The following FGD4 variants were observed in gnomAD, a reference collection of about 807,000 sequenced individuals.
FGD4 encodes the protein FYVE, RhoGEF and PH domain containing 4.
FGD4 carries 42 observed loss-of-function variants against 102.0 expected under a neutral mutation model. The observed-to-expected ratio is 0.41, with a 90% CI of 0.32 to 0.53. FGD4 has a LOEUF of 0.53. FGD4 is among the 20% of genes least tolerant of loss of function. FGD4 has a pLI of 0.21. For missense variants in FGD4, 902 were observed against 1,078.2 expected (o/e 0.84, Z 2.29); for synonymous variants, 380 against 375.7 (o/e 1.01, Z -0.13).
intron 15 of FGD4, chr12:32,637,599 G>GAATGAATGAATAAATAAATA (rs140822380): frequency 2.3e-4 from 34 of 147,188 alleles, no homozygotes; most frequent in African/African-American, 8.7e-4. Context: ...CCATCTCTAT[G>GAATGAATGAATAAATAAATA]AATAAATAAA....
chr12:32,571,652 AG>A (rs930773410), intron 2 of FGD4, among the ~76,000 whole-genome samples: 2 of 152,144 alleles, frequency 1.3e-5, no homozygotes, highest in Non-Finnish European at 2.9e-5. Flanking sequence ...TTTTTGAGGC[AG>A]GGTAGGAGGG....
chr12:32,631,279 G>A (rs1950484738), intron 14 of FGD4, among the ~76,000 whole-genome samples: 1 of 152,088 alleles, frequency 6.6e-6, no homozygotes, highest in African/African-American at 2.4e-5. Flanking sequence ...GTTTTTGGAG[G>A]GCCTTGTAAA....
chr12:32,499,475 G>C (rs1028009508), intron 1 of FGD4, among the ~76,000 whole-genome samples: 1 of 152,050 alleles, frequency 6.6e-6, no homozygotes, highest in Non-Finnish European at 1.5e-5. Flanking sequence ...TTTTCCCATG[G>C]AGTCAATTCT....
intron 14 of FGD4, among the ~76,000 whole-genome samples, chr12:32,629,843 A>G (rs951222256): frequency 1.3e-5 from 2 of 152,146 alleles, no homozygotes; most frequent in Non-Finnish European, 2.9e-5. Flanking sequence ...TCAAATTTGT[A>G]TCTAATAATG....
intron 4 of FGD4, among the ~76,000 whole-genome samples, chr12:32,585,196 CAG>C (rs1228547462): frequency 7.0e-6 from 1 of 142,304 alleles, no homozygotes; most frequent in Non-Finnish European, 1.5e-5. Context: ...GGCTAGGTGA[CAG>C]AGTGAGACCC....
chr12:32,419,099 C>T (rs75019587), intron 1 of FGD4, among the ~76,000 whole-genome samples: 2,410 of 152,248 alleles, frequency 0.016, 26 homozygotes, highest in Middle Eastern at 0.027. Context: ...TGGGACTCAC[C>T]TTTTGGCTCA....
chr12:32,468,105 C>T (rs1251026794), intron 1 of FGD4, among the ~76,000 whole-genome samples: 1 of 151,918 alleles, frequency 6.6e-6, no homozygotes, highest in Non-Finnish European at 1.5e-5. Context: ...TGCAGTAGCA[C>T]CCTCTTGGCT....
chr12:32,459,251 C>T (rs999391316), intron 1 of FGD4, among the ~76,000 whole-genome samples: 5 of 139,278 alleles, frequency 3.6e-5, no homozygotes, highest in East Asian at 2.3e-4. Context: ...TGGAATCCAT[C>T]GATACACTCT....
intron 12 of FGD4, 139 bp from the exon 13 acceptor site, chr12:32,624,837 T>A: frequency 1.4e-6 from 1 of 740,552 alleles, no homozygotes; most frequent in Non-Finnish European, 2.4e-6. Flanking sequence ...TTGTTGTGTG[T>A]GTTTTAATAT....
intron 1 of FGD4, among the ~76,000 whole-genome samples, chr12:32,478,285 CAG>C (rs879344212): frequency 1.3e-5 from 2 of 152,094 alleles, no homozygotes; most frequent in African/African-American, 2.4e-5. Flanking sequence ...TTTAATGAGA[CAG>C]AGTCTCACTC....
At chr12:32,550,956 A>G (rs971771352) in intron 1 of FGD4, among the ~76,000 whole-genome samples, 13 of 152,350 alleles carry the variant, frequency 8.5e-5, no homozygotes, top group African/African-American at 3.1e-4. Context: ...TTTTATCATT[A>G]CTAATCCTGT....
At chr12:32,483,436 A>T (rs151221328) in intron 1 of FGD4, among the ~76,000 whole-genome samples, 3 of 152,344 alleles carry the variant, frequency 2.0e-5, no homozygotes, top group African/African-American at 7.2e-5. Flanking sequence ...GATTGTAAAG[A>T]TACATAAAAA....
At chr12:32,550,670 CAAAAA>C (rs71447606) in intron 1 of FGD4, among the ~76,000 whole-genome samples, 2 of 89,238 alleles carry the variant, frequency 2.2e-5, no homozygotes, top group Non-Finnish European at 2.2e-5. Flanking sequence ...GACACTGTCT[CAAAAA>C]AAAAAAAAAA....
intron 1 of FGD4, among the ~76,000 whole-genome samples, chr12:32,492,806 A>T (rs1944155153): frequency 6.6e-6 from 1 of 152,120 alleles, no homozygotes; most frequent in South Asian, 2.1e-4. Context: ...ATAAAACCTT[A>T]ATTCCTAGTT....
intron 1 of FGD4, among the ~76,000 whole-genome samples, chr12:32,408,985 G>A (rs937947003): frequency 6.6e-6 from 1 of 152,036 alleles, no homozygotes; most frequent in African/African-American, 2.4e-5. Flanking sequence ...CCTACTCCGC[G>A]TTTTCAAGGG....
chr12:32,529,218 T>A (rs1022649123), intron 1 of FGD4, among the ~76,000 whole-genome samples: 4 of 151,914 alleles, frequency 2.6e-5, no homozygotes, highest in African/African-American at 9.7e-5. Context: ...AGATTCAAGC[T>A]ATCCTCCTGC....
intron 1 of FGD4, among the ~76,000 whole-genome samples, chr12:32,522,969 TCC>T (rs373357167): frequency 7.9e-5 from 12 of 152,218 alleles, no homozygotes; most frequent in African/African-American, 2.7e-4. Flanking sequence ...ATCCTACTTA[TCC>T]TTCAACATAA....
chr12:32,410,929 T>TC (rs1321892306), intron 1 of FGD4, among the ~76,000 whole-genome samples: 10 of 141,994 alleles, frequency 7.0e-5, no homozygotes, highest in African/African-American at 2.1e-4. Context: ...TCTTTTTTTT[T>TC]TCTTTTTTTT....
At chr12:32,485,178 T>C (rs902868800) in intron 1 of FGD4, among the ~76,000 whole-genome samples, 17 of 152,322 alleles carry the variant, frequency 1.1e-4, no homozygotes, top group African/African-American at 4.1e-4. Context: ...AATTTTACTT[T>C]ATAGGCATAA....
Sources: gnomAD v4.1 joint callset for allele counts (sites outside exome capture counted in the v4.1 genomes callset) on GRCh38, gnomAD v4.1.1 for gene constraint, MANE v1.5 for transcripts, NCBI Gene and HGNC (gene_info 2026-07-23, HGNC 2026-07-21) for gene names.